Variants in PDSS2 observed in about 807,000 individuals in gnomAD.
The protein encoded by PDSS2 is decaprenyl diphosphate synthase subunit 2, also known as all trans-polyprenyl-diphosphate synthase PDSS2.
Under a neutral mutation model 44.5 loss-of-function variants are expected in PDSS2, and 31 were observed. The ratio of observed to expected loss-of-function variants is 0.70; its 90% CI spans 0.52 to 0.94. The LOEUF is 0.94. Ranked by LOEUF, PDSS2 falls within the 40% of genes least tolerant of loss-of-function variation. PDSS2 has a pLI of 0.00. For missense variants in PDSS2, 452 were observed against 482.2 expected, an observed-to-expected ratio of 0.94 and a Z score of 0.59; for synonymous variants, 157 against 180.3, an observed-to-expected ratio of 0.87 and a Z score of 1.03.
chr6:107,350,371 G>A lies in PDSS2; in HGVS notation c.297-16039C>T, dbSNP rs536660970. Among the ~76,000 whole-genome samples the A allele has an allele frequency of 8.0e-5, 12 of 150,938 alleles. No homozygotes were observed. In the South Asian group the frequency reaches 2.5e-3, roughly 32 times the overall value. On this transcript the variant is annotated intron_variant, in intron 1 of 7. Transcript: ENST00000369037. ...GAGTTGCCTCTCTTGATCCAATATGGCATCATTAGCTCAATAAAAACAAAA... is the reference window on the plus strand; with the variant it reads ...GAGTTGCCTCTCTTGATCCAATATGACATCATTAGCTCAATAAAAACAAAA...
At chr6:107,289,642 G>A (rs942266402) in intron 2 of PDSS2, among the ~76,000 whole-genome samples, 2 of 151,924 alleles carry the variant, frequency 1.3e-5, no homozygotes, top group Non-Finnish European at 2.9e-5. Context: ...GCTGCAGTCA[G>A]CCAAGATCAT....
intron 2 of PDSS2, among the ~76,000 whole-genome samples, chr6:107,330,290 G>T (rs948486452): frequency 5.3e-5 from 8 of 152,262 alleles, no homozygotes; most frequent in Admixed American, 4.6e-4. Context: ...CTAGATCTCA[G>T]TCACATGGCC....
Position 107,154,446 on chromosome 6 carries a change from A to T in PDSS2, c.*173T>A. On this transcript the variant is annotated 3_prime_UTR_variant, in exon 8 of 8. Transcript: ENST00000369037. ...AAACTGCTTGACCTTTTTTTCTTCT[A>T]ATTTTGTTTGTAGCAGTTCCAAAAA... The T allele has an allele frequency of 1.7e-5, 11 of 633,174 alleles. No homozygotes were observed. Among genetic ancestry groups the T allele is most frequent in the Admixed American group, 1.4e-4 (5 of 36,580 alleles). 39.2% of individuals were successfully genotyped at this position (633,174 alleles called of 1,614,324 possible). A position where few individuals can be genotyped will look rare whatever the true frequency, so the allele number is the denominator to read the frequency against.
intron 2 of PDSS2, among the ~76,000 whole-genome samples, chr6:107,283,805 G>A (rs1221851968): frequency 6.6e-6 from 1 of 152,096 alleles, no homozygotes; most frequent in Non-Finnish European, 1.5e-5. Context: ...GGCCAAGGCA[G>A]GCGAATCACC....
intron 1 of PDSS2, among the ~76,000 whole-genome samples, chr6:107,398,114 T>A (rs1046332273): frequency 7.2e-5 from 11 of 152,146 alleles, no homozygotes; most frequent in Non-Finnish European, 1.6e-4. Flanking sequence ...GGGGATCAGA[T>A]CAAAAAAGAA....
intron 4 of PDSS2, among the ~76,000 whole-genome samples, chr6:107,238,059 T>G (rs1774289146): frequency 6.6e-6 from 1 of 151,612 alleles, no homozygotes; most frequent in Admixed American, 6.6e-5. Flanking sequence ...CTTTGCAACT[T>G]AAGTCACTTG....
At chr6:107,418,301 G>C (rs1780726457) in intron 1 of PDSS2, among the ~76,000 whole-genome samples, 1 of 152,208 alleles carries the variant, frequency 6.6e-6, no homozygotes, top group African/African-American at 2.4e-5. Flanking sequence ...AGAGCAAAGA[G>C]TGATGAGGTA....
At chr6:107,236,610 T>G (rs552786312) in intron 4 of PDSS2, among the ~76,000 whole-genome samples, 15 of 152,346 alleles carry the variant, frequency 9.8e-5, no homozygotes, top group African/African-American at 2.6e-4. Flanking sequence ...TTTGCAATAT[T>G]ACTTTTCACT....
At chr6:107,261,022 A>G (rs763495690) in intron 3 of PDSS2, among the ~76,000 whole-genome samples, 12 of 152,084 alleles carry the variant, frequency 7.9e-5, no homozygotes, top group Non-Finnish European at 1.6e-4. Flanking sequence ...AAAAAAATCT[A>G]TTTTCAAGTT....
chr6:107,431,428 T>C (rs1781190857), intron 1 of PDSS2, among the ~76,000 whole-genome samples: 1 of 152,144 alleles, frequency 6.6e-6, no homozygotes. Flanking sequence ...TTTTGTATTT[T>C]TAGTAGAGAC....
At chr6:107,213,620 G>T (rs967222152) in intron 4 of PDSS2, among the ~76,000 whole-genome samples, 1 of 152,090 alleles carries the variant, frequency 6.6e-6, no homozygotes, top group Non-Finnish European at 1.5e-5. Context: ...TTAGCCGGGT[G>T]GTGGCAGGTG....
intron 7 of PDSS2, among the ~76,000 whole-genome samples, chr6:107,177,885 G>T (rs1241154987): frequency 2.0e-5 from 3 of 152,152 alleles, no homozygotes; most frequent in African/African-American, 7.2e-5. Context: ...AAAGAATACT[G>T]TGGGATGAGA....
In PDSS2 at chr6:107,258,912, C is replaced by T. The variant is rs200819511; in HGVS notation, c.631-13293G>A. ...ATACCATAAATTCCAGGATTGATAA[C>T]TGCAAAATTGTTGGCAAAAATGTAT... On this transcript the variant is annotated intron_variant, in intron 3 of 7. Transcript: ENST00000369037. 3.3e-5 allele frequency among the ~76,000 whole-genome samples: 5 copies of T among 152,158 alleles called. No individual in the cohort carries two copies. In the East Asian group the frequency reaches 9.6e-4, roughly 29 times the overall value.
At chr6:107,310,941 G>GAA (rs1777024917) in intron 2 of PDSS2, among the ~76,000 whole-genome samples, 1 of 133,098 alleles carries the variant, frequency 7.5e-6, no homozygotes, top group African/African-American at 2.9e-5. Flanking sequence ...TTTTTGAAAT[G>GAA]AAGTCTCATT....
At chr6:107,429,901 A>ATATATATATATATATATAT (rs1554280467) in intron 1 of PDSS2, among the ~76,000 whole-genome samples, 2 of 31,858 alleles carry the variant, frequency 6.3e-5, no homozygotes, top group Non-Finnish European at 1.1e-4. Flanking sequence ...AAAAAAAAAA[A>ATATATATATATATATATAT]ATATATATAT....
At chr6:107,338,684 G>A (rs1306357994) in intron 1 of PDSS2, among the ~76,000 whole-genome samples, 1 of 152,100 alleles carries the variant, frequency 6.6e-6, no homozygotes, top group East Asian at 1.9e-4. Context: ...ATCTGGGGCA[G>A]GGACGAAAAA....
At chr6:107,333,291 G>A (rs1284645024) in intron 2 of PDSS2, among the ~76,000 whole-genome samples, 1 of 152,104 alleles carries the variant, frequency 6.6e-6, no homozygotes, top group Non-Finnish European at 1.5e-5. Flanking sequence ...CATATTGCTA[G>A]AATTAAGTAA....
At chr6:107,413,838 T>A (rs139323655) in intron 1 of PDSS2, among the ~76,000 whole-genome samples, 94 of 152,196 alleles carry the variant, frequency 6.2e-4, no homozygotes, top group Non-Finnish European at 1.2e-3. Context: ...AAAGAGTGGA[T>A]TGAAAAGAGG....
chr6:107,381,425 A>AT (rs1238372713), intron 1 of PDSS2, among the ~76,000 whole-genome samples: 4 of 152,086 alleles, frequency 2.6e-5, no homozygotes, highest in Non-Finnish European at 5.9e-5. Context: ...TGGAAATGAG[A>AT]TTTTTTTTAA....
Sources: allele counts gnomAD v4.1 joint callset (sites outside exome capture counted in the v4.1 genomes callset), GRCh38; gene constraint gnomAD v4.1.1; transcripts MANE v1.5; gene names NCBI Gene and HGNC (gene_info 2026-07-23, HGNC 2026-07-21).